DBF4B: variants seen among roughly 807,000 people sequenced by gnomAD.
DBF4B encodes protein DBF4 homolog B.
Under a neutral mutation model 53.4 loss-of-function variants are expected in DBF4B, and 49 were observed. The ratio of observed to expected loss-of-function variants is 0.92; its 90% CI spans 0.73 to 1.16. The LOEUF (loss-of-function observed/expected upper bound fraction) is 1.16, where lower values mean the gene tolerates loss of function less well. DBF4B is among the 50% of genes most tolerant of loss of function. The pLI is 0.00. For missense variants in DBF4B, 692 were observed against 775.0 expected, an observed-to-expected ratio of 0.89 and a Z score of 1.27; for synonymous variants, 257 against 288.7, an observed-to-expected ratio of 0.89 and a Z score of 1.11.
intron 12 of DBF4B, among the ~76,000 whole-genome samples, chr17:44,747,841 G>A (rs1407867266): frequency 6.6e-6 from 1 of 152,160 alleles, no homozygotes; most frequent in East Asian, 1.9e-4. Flanking sequence ...CTAGATAGGT[G>A]AAAAGCAAAG....
In DBF4B at chr17:44,749,920, G is replaced by A. The variant is rs1014727983; in HGVS notation, c.1190-675G>A. On this transcript the variant is annotated intron_variant, in intron 13 of 13. Transcript: ENST00000315005. The surrounding 1 kb of genome is among the most constrained non-coding windows in gnomAD (Gnocchi z 4.4). ...CACGCTCCCGCACACAGATCCTCAG[G>A]AACATATGAAGCAGAGGAGGGGCTT... 1.9e-5 allele frequency: 20 copies of A among 1,029,346 alleles called. No homozygotes were observed. Among genetic ancestry groups the A allele is most frequent in the Non-Finnish European group, 2.3e-5 (20 of 855,904 alleles). 63.8% of individuals were successfully genotyped at this position (1,029,346 alleles called of 1,614,324 possible).
Position 44,741,283 on chromosome 17 carries a change from C to G in DBF4B, c.714-53C>G. Reference sequence around the variant, plus strand: ...CTAGGGCATTGGGCGAGGCCCCCTCCTCAGCCTTTACCTTCCCCATTGTAG... The same window carrying G: ...CTAGGGCATTGGGCGAGGCCCCCTCGTCAGCCTTTACCTTCCCCATTGTAG... On this transcript the variant is annotated intron_variant, in intron 9 of 13. Coordinates refer to ENST00000315005, the MANE Select transcript of DBF4B (RefSeq NM_145663.3). The G allele has an allele frequency of 6.5e-6, 9 of 1,382,676 alleles. No individual in the cohort carries two copies. In the South Asian group the frequency reaches 1.1e-4, roughly 16 times the overall value. The allele number at this position is 1,382,676 out of a possible 1,614,324, so 85.7% of individuals were successfully genotyped here.
chr17:44,727,302 C>T (rs867765686), intron 3 of DBF4B, among the ~76,000 whole-genome samples: 13 of 151,580 alleles, frequency 8.6e-5, no homozygotes, highest in South Asian at 2.1e-4. Flanking sequence ...ACTTGTAGTC[C>T]CAGCTACTCG....
At chr17:44,718,391 C>A (rs1022000674) in intron 2 of DBF4B, among the ~76,000 whole-genome samples, 1 of 150,984 alleles carries the variant, frequency 6.6e-6, no homozygotes, top group Non-Finnish European at 1.5e-5. Context: ...CCACTGCACT[C>A]CAGCCTGGAC....
At chr17:44,731,347 C>T (rs537092378) in intron 5 of DBF4B, 12 of 287,950 alleles carry the variant, frequency 4.2e-5, no homozygotes, top group African/African-American at 1.5e-4. Context: ...TGGTGGCTCA[C>T]GCCTATAATC....
chr17:44,746,868 G>C (rs1255473891), intron 10 of DBF4B, among the ~76,000 whole-genome samples: 1 of 151,112 alleles, frequency 6.6e-6, no homozygotes, highest in Non-Finnish European at 1.5e-5. Flanking sequence ...GCTGCCCACA[G>C]GGAGGTCTCC....
At chr17:44,740,549 A>G (rs1382065235) in intron 9 of DBF4B, among the ~76,000 whole-genome samples, 1 of 152,226 alleles carries the variant, frequency 6.6e-6, no homozygotes, top group Admixed American at 6.5e-5. Context: ...CAGCAAGAAC[A>G]CTTCACAGAA....
rs138229014 is a variant in DBF4B at position 44,738,810 on chromosome 17, G to A, written c.713+386G>A. On this transcript the variant is annotated intron_variant, in intron 9 of 13. Transcript: ENST00000315005. The stretch of plus-strand genomic sequence containing the variant: ...ATTACCCAGTCACAGTGCTAGTATA[G>A]TCCAAGACATCATCTTGGCTGAAAT... Among the ~76,000 whole-genome samples the A allele has an allele frequency of 1.6e-4, 24 of 152,330 alleles. 2 individuals carry two copies. Among genetic ancestry groups the A allele is most frequent in the African/African-American group, 5.3e-4 (22 of 41,570 alleles).
intron 10 of DBF4B, among the ~76,000 whole-genome samples, 155 bp downstream of exon 10, chr17:44,741,607 G>A (rs747570977): frequency 3.9e-5 from 6 of 152,188 alleles, no homozygotes; most frequent in Non-Finnish European, 8.8e-5. Context: ...GACTAGGAGC[G>A]TTCATCCATT....
chr17:44,726,605 A>T (rs1487656645), intron 3 of DBF4B, among the ~76,000 whole-genome samples: 1 of 151,898 alleles, frequency 6.6e-6, no homozygotes, highest in East Asian at 1.9e-4. Context: ...CCATAACCTT[A>T]AAGCGTTAGC....
At position 44,741,436 on chromosome 17, in the gene DBF4B, A is replaced by G. The variant is rs1374335225; in HGVS notation, c.814A>G (p.Ser272Gly). The change falls in exon 10 of 14, where the codon AGC (serine) becomes GGC (glycine). Residue 272 changes from serine (S) to glycine (G), a missense_variant. Around this residue, in one of 3 missense-constraint regions of DBF4B, gnomAD observed 597 missense variants for 665.8 expected, o/e 0.90. Transcript: ENST00000315005. ...CTTTGAGGCCCCGACGACCCTGGGCAGCATGCACCATACCAGGTGGGTCTT... is the reference window on the plus strand; with the variant it reads ...CTTTGAGGCCCCGACGACCCTGGGCGGCATGCACCATACCAGGTGGGTCTT... ...SPFEAPTTLG[S>G]MHHTRESKDG... is the part of the protein sequence containing the mutation. The G allele has an allele frequency of 1.2e-6, 2 of 1,609,782 alleles. No homozygotes were observed. The highest frequency in any genetic ancestry group is 1.7e-6 in the Non-Finnish European group (2 of 1,177,552).
chr17:44,721,223 C>A (rs551194732), intron 2 of DBF4B, among the ~76,000 whole-genome samples: 6 of 129,224 alleles, frequency 4.6e-5, no homozygotes, highest in Non-Finnish European at 8.0e-5. Flanking sequence ...TCTTCCCCCC[C>A]CCTCCCCTTT....
Position 44,749,757 on chromosome 17 carries a change from C to G in DBF4B, c.1190-838C>G. On this transcript the variant is annotated intron_variant, in intron 13 of 13. Transcript: ENST00000315005. The surrounding 1 kb of genome is among the most constrained non-coding windows in gnomAD (Gnocchi z 4.4). Reference sequence around the variant, plus strand: ...AGTCCTGGCCCGGCTTCCTGGCCCTCCACAGGCCCTTGCCTCTCTGCAGAG... The same window carrying G: ...AGTCCTGGCCCGGCTTCCTGGCCCTGCACAGGCCCTTGCCTCTCTGCAGAG... 1.8e-6 allele frequency: 2 copies of G among 1,118,618 alleles called. No homozygotes were observed. Among genetic ancestry groups the G allele is most frequent in the South Asian group, 2.3e-5 (1 of 44,374 alleles). 69.3% of individuals were successfully genotyped at this position (1,118,618 alleles called of 1,614,324 possible).
rs1388869017 is a variant in DBF4B, at chr17:44,749,596, C to G, written c.1190-999C>G. Reference sequence around the variant, plus strand: ...AATCTGGGCTGGGGGCTGCCCTCTCCTACCCCTGCCTCCTGCCATGTTCCT... The same window carrying G: ...AATCTGGGCTGGGGGCTGCCCTCTCGTACCCCTGCCTCCTGCCATGTTCCT... On this transcript the variant is annotated intron_variant, in intron 13 of 13. Coordinates refer to ENST00000315005, the MANE Select transcript of DBF4B (RefSeq NM_145663.3). The surrounding 1 kb of genome is among the most constrained non-coding windows in gnomAD (Gnocchi z 4.4). 2.5e-5 allele frequency: 30 copies of G among 1,191,124 alleles called. No individual in the cohort carries two copies. Among genetic ancestry groups the G allele is most frequent in the Non-Finnish European group, 3.2e-5 (30 of 942,492 alleles). 73.8% of individuals were successfully genotyped at this position (1,191,124 alleles called of 1,614,324 possible). A position where few individuals can be genotyped will look rare whatever the true frequency, so the allele number is the denominator to read the frequency against.
In DBF4B at chr17:44,726,323, T is replaced by TATTTATTTA. The variant is rs1555676220; in HGVS notation, c.225+3302_225+3310dup. Among the ~76,000 whole-genome samples, 1,196 of 149,770 alleles carry TATTTATTTA rather than the reference T, an allele frequency of 8.0e-3. 20 individuals are homozygous for TATTTATTTA. The highest frequency in any genetic ancestry group is 0.025 in the African/African-American group (1,037 of 40,706). ...TTATTTATTTATTTATTTATTTATT[T>TATTTATTTA]ATTTATTTATTTTTGCCTTACCCAG... On this transcript the variant is annotated intron_variant, in intron 3 of 13. Coordinates refer to ENST00000315005, the MANE Select transcript of DBF4B (RefSeq NM_145663.3).
intron 10 of DBF4B, among the ~76,000 whole-genome samples, chr17:44,745,580 C>G: frequency 6.6e-6 from 1 of 152,186 alleles, no homozygotes; most frequent in East Asian, 1.9e-4. Context: ...CTCATGAGAA[C>G]TGTCACGAGA....
In DBF4B at chr17:44,748,468, A is replaced by G. The variant is rs1004369294; in HGVS notation, c.1189+3A>G. On this transcript the variant is annotated splice_donor_region_variant and intron_variant, in intron 13 of 13. Coordinates refer to ENST00000315005, the MANE Select transcript of DBF4B (RefSeq NM_145663.3). The stretch of plus-strand genomic sequence containing the variant: ...AGAAGACAGCTGCCAGGCATCAGGT[A>G]TCCCAGAGCAGGATGGGACAGTGGA... 26 of 1,613,928 alleles carry G rather than the reference A, an allele frequency of 1.6e-5. No individual in the cohort carries two copies. Among genetic ancestry groups the G allele is most frequent in the Non-Finnish European group, 2.1e-5 (25 of 1,179,846 alleles).
At chr17:44,748,646 G>A in intron 13 of DBF4B, 181 bp downstream of exon 13, 2 of 1,493,710 alleles carry the variant, frequency 1.3e-6, no homozygotes, top group Non-Finnish European at 1.8e-6. Context: ...CTCCTGCCTA[G>A]CTCTGGTTTT....
chr17:44,729,252 A>C (rs1289117417), intron 3 of DBF4B, among the ~76,000 whole-genome samples: 1 of 148,252 alleles, frequency 6.7e-6, no homozygotes, highest in African/African-American at 2.5e-5. Context: ...CCCAAGCTGG[A>C]GTGTAGTAGT....
Sources: gnomAD v4.1 joint callset for allele counts (sites outside exome capture counted in the v4.1 genomes callset) on GRCh38, gnomAD v4.1.1 for gene constraint, gnomAD v4.1.1 regional missense constraint, Gnocchi (gnomAD v3.1) non-coding constraint, MANE v1.5 for transcripts, NCBI Gene and HGNC (gene_info 2026-07-23, HGNC 2026-07-21) for gene names.